INSYN2A: variants seen among roughly 807,000 people sequenced by gnomAD.
The protein encoded by INSYN2A is family with sequence similarity 196 member A.
In INSYN2A, 17 loss-of-function variants were observed where a neutral mutation model predicts 39.4. That is an observed-to-expected ratio of 0.43 (90% CI 0.30 to 0.65). INSYN2A has a LOEUF of 0.65. Ranked by LOEUF, INSYN2A falls within the 30% of genes least tolerant of loss-of-function variation. The pLI, the probability that INSYN2A is intolerant of heterozygous loss-of-function variation, is 0.14. For synonymous variants in INSYN2A, 255 were observed against 265.7 expected, an observed-to-expected ratio of 0.96 and a Z score of 0.39; for missense variants, 595 against 631.2, an observed-to-expected ratio of 0.94 and a Z score of 0.61.
At chr10:127,189,539 A>T (rs2056562481) in intron 2 of INSYN2A, among the ~76,000 whole-genome samples, 1 of 152,258 alleles carries the variant, frequency 6.6e-6, no homozygotes, top group Admixed American at 6.5e-5. Context: ...TAGCAAGACT[A>T]AAATATAAAT....
intron 2 of INSYN2A, among the ~76,000 whole-genome samples, chr10:127,180,295 G>A (rs1207294218): frequency 1.3e-5 from 2 of 152,202 alleles, no homozygotes; most frequent in Non-Finnish European, 2.9e-5. Context: ...GCATGAAGCT[G>A]CAATAGGATT....
intron 4 of INSYN2A, 72 bp from the exon 5 acceptor site, chr10:127,153,995 A>G (rs2052772918): frequency 9.5e-7 from 1 of 1,054,310 alleles, no homozygotes; most frequent in Non-Finnish European, 1.5e-6. Flanking sequence ...CAGATGCCTC[A>G]AATCAAATGC....
chr10:127,170,468 A>T (rs1228130444), intron 4 of INSYN2A, among the ~76,000 whole-genome samples: 1 of 152,216 alleles, frequency 6.6e-6, no homozygotes, highest in African/African-American at 2.4e-5. Context: ...AAAGCTTCTC[A>T]CGATCATTTC....
chr10:127,153,415 A>G (rs2052702664), intron 5 of INSYN2A, among the ~76,000 whole-genome samples: 1 of 152,186 alleles, frequency 6.6e-6, no homozygotes, highest in South Asian at 2.1e-4. Flanking sequence ...ACAATCCTCG[A>G]GAGTTCCCAG....
intron 2 of INSYN2A, among the ~76,000 whole-genome samples, chr10:127,179,456 T>C (rs1311109619): frequency 2.0e-5 from 3 of 152,246 alleles, no homozygotes; most frequent in Admixed American, 2.0e-4. Context: ...AATTGAGTTC[T>C]TATTCTCTGA....
At chr10:127,186,223 G>A (rs2056218042) in intron 2 of INSYN2A, among the ~76,000 whole-genome samples, 1 of 152,152 alleles carries the variant, frequency 6.6e-6, no homozygotes, top group Admixed American at 6.5e-5. Context: ...CCTGAGACTG[G>A]GTTATTTATA....
intron 2 of INSYN2A, among the ~76,000 whole-genome samples, chr10:127,186,507 G>GCCCCCCCC (rs1326283340): frequency 1.7e-4 from 1 of 5,912 alleles, no homozygotes; most frequent in African/African-American, 3.2e-4. Context: ...GGGAGAAACC[G>GCCCCCCCC]CCCCCCCGCC....
intron 4 of INSYN2A, among the ~76,000 whole-genome samples, chr10:127,171,349 A>G (rs541121754): frequency 6.6e-6 from 1 of 152,352 alleles, no homozygotes; most frequent in Admixed American, 6.5e-5. Context: ...CCTATTAAAG[A>G]GATTTTACAA....
At position 127,190,645 on chromosome 10, in the gene INSYN2A, A is replaced by G. The variant is rs190607489; in HGVS notation, c.-269+1960T>C. 3.0e-4 allele frequency among the ~76,000 whole-genome samples: 38 copies of G among 127,982 alleles called. 1 individual carries two copies. The East Asian group carries it at 0.01, about 34-fold the overall frequency. 84.0% of individuals were successfully genotyped at this position (127,982 alleles called of 152,430 possible). A position where few individuals can be genotyped will look rare whatever the true frequency, so the allele number is the denominator to read the frequency against. ...TCCAGTTGAAAATTCACACTCAAAT[A>G]TTTAATAGAAATCCTATCTTCCCCC... On this transcript the variant is annotated intron_variant, in intron 2 of 5. Transcript: ENST00000522781.
chr10:127,175,611 C>A lies in INSYN2A; in HGVS notation c.785G>T (p.Ser262Ile). 1 of 1,613,000 alleles carries A rather than the reference C, an allele frequency of 6.2e-7. No homozygotes were observed. Among genetic ancestry groups the A allele is most frequent in the Non-Finnish European group, 8.5e-7 (1 of 1,179,942 alleles). The change falls in exon 4 of 6, where the codon AGT (serine) becomes ATT (isoleucine). Residue 262 changes from serine to isoleucine, a missense_variant. Around this residue, in one of 2 missense-constraint regions of INSYN2A, gnomAD observed 478 missense variants for 467.4 expected, o/e 1.02. Coordinates refer to ENST00000522781, the MANE Select transcript of INSYN2A (RefSeq NM_001039762.3). This position sits in a 1 kb window ranked among gnomAD's most constrained non-coding sequence, Gnocchi z 6.3. ...CAAACCAGGCTCGGGGGCCCTGGCA[C>A]TGAGGGCAGGTGCGTAAACGGTGGC... ...EVATVYAPAL[S>I]ARAPEPGLSD...
chr10:127,165,096 C>T (rs1412023706), intron 4 of INSYN2A, among the ~76,000 whole-genome samples: 3 of 152,202 alleles, frequency 2.0e-5, no homozygotes, highest in Admixed American at 6.5e-5. Context: ...AATTTTCCTT[C>T]AGGACTCCCA....
chr10:127,191,997 G>T (rs1305521361), intron 2 of INSYN2A, among the ~76,000 whole-genome samples: 1 of 152,164 alleles, frequency 6.6e-6, no homozygotes, highest in Non-Finnish European at 1.5e-5. Flanking sequence ...GATTATTAAG[G>T]GCTGAACTGG....
At chr10:127,170,978 C>G (rs2054521951) in intron 4 of INSYN2A, among the ~76,000 whole-genome samples, 1 of 152,208 alleles carries the variant, frequency 6.6e-6, no homozygotes, top group Admixed American at 6.5e-5. Flanking sequence ...GCACATCTAA[C>G]CTACTTGCAG....
Position 127,175,499 on chromosome 10 carries a change from C to T in INSYN2A, c.897G>A (p.Ala299=), listed in dbSNP as rs372852521. The T allele has an allele frequency of 2.2e-5, 35 of 1,608,566 alleles. No individual in the cohort carries two copies. The highest frequency in any genetic ancestry group is 2.0e-4 in the South Asian group (18 of 91,078). The part of the protein sequence containing the change: ...RRATHLNGLQ[A]PSETALACSP... ...AGCAGGCCAGGGCAGTTTCCGAGGG[C>T]GCCTGGAGCCCGTTGAGATGTGTGG... Residue 299 remains alanine (A), a synonymous_variant, in exon 4 of 6, where the codon GCG becomes GCA. Transcript: ENST00000522781. The surrounding 1 kb of genome is among the most constrained non-coding windows in gnomAD (Gnocchi z 6.3).
chr10:127,180,366 G>T (rs2055608779), intron 2 of INSYN2A, among the ~76,000 whole-genome samples: 1 of 152,318 alleles, frequency 6.6e-6, no homozygotes, highest in African/African-American at 2.4e-5. Context: ...GGTTTGGGGA[G>T]CTGATCTCTT....
intron 5 of INSYN2A, among the ~76,000 whole-genome samples, chr10:127,146,336 C>T (rs1184938090): frequency 2.0e-5 from 3 of 152,058 alleles, no homozygotes; most frequent in Non-Finnish European, 2.9e-5. Flanking sequence ...AACAAGTTTC[C>T]TAGCATCTAA....
intron 1 of INSYN2A, 134 bp from the exon 2 acceptor site, chr10:127,192,864 G>T (rs1056961203): frequency 1.3e-4 from 20 of 152,258 alleles, no homozygotes; most frequent in African/African-American, 4.6e-4. Flanking sequence ...TTTGGTTCCT[G>T]CAAGTCTGTA....
At chr10:127,147,135 C>T (rs981103310) in intron 5 of INSYN2A, among the ~76,000 whole-genome samples, 2 of 152,206 alleles carry the variant, frequency 1.3e-5, no homozygotes, top group African/African-American at 4.8e-5. Context: ...CTCATCTTTC[C>T]TGAAATCCTC....
At chr10:127,185,521 T>TCA (rs1461672100) in intron 2 of INSYN2A, among the ~76,000 whole-genome samples, 2 of 152,168 alleles carry the variant, frequency 1.3e-5, no homozygotes, top group African/African-American at 4.8e-5. Flanking sequence ...ACACTATACA[T>TCA]CACAGTATCC....
Sources: gnomAD v4.1 joint callset for allele counts (sites outside exome capture counted in the v4.1 genomes callset) on GRCh38, gnomAD v4.1.1 for gene constraint, gnomAD v4.1.1 regional missense constraint, Gnocchi (gnomAD v3.1) non-coding constraint, MANE v1.5 for transcripts, NCBI Gene and HGNC (gene_info 2026-07-23, HGNC 2026-07-21) for gene names.